The following ITGA8 variants were observed in gnomAD, a reference collection of about 807,000 sequenced individuals.
ITGA8 encodes the protein integrin subunit alpha 8.
A neutral mutation model predicts 142.3 loss-of-function variants in ITGA8; 91 were observed. That is an observed-to-expected ratio of 0.64 (90% CI 0.54 to 0.76). The LOEUF is 0.76. ITGA8 is among the 30% of genes least tolerant of loss of function. The pLI, the probability that ITGA8 is intolerant of heterozygous loss-of-function variation, is 0.00. For missense variants in ITGA8, 1,406 were observed against 1,327.7 expected (o/e 1.06, Z -0.92); for synonymous variants, 505 against 485.2 (o/e 1.04, Z -0.54).
intron 2 of ITGA8, among the ~76,000 whole-genome samples, chr10:15,709,404 C>T (rs370137231): frequency 5.3e-5 from 8 of 152,118 alleles, no homozygotes; most frequent in East Asian, 1.9e-4. Flanking sequence ...AGTAGAATGG[C>T]GCACCCCAGA....
intron 2 of ITGA8, among the ~76,000 whole-genome samples, chr10:15,713,452 G>A (rs762495248): frequency 5.3e-5 from 8 of 152,100 alleles, no homozygotes; most frequent in Non-Finnish European, 7.4e-5. Flanking sequence ...CCAAGTGAAC[G>A]TATTAGAGCA....
intron 3 of ITGA8, 85 bp from the exon 4 acceptor site, chr10:15,684,212 C>T (rs1834795188): frequency 7.8e-6 from 11 of 1,405,030 alleles, no homozygotes; most frequent in Admixed American, 2.3e-5. Flanking sequence ...GTATAACAAA[C>T]TGTTAAATTA....
At position 15,601,639 on chromosome 10, in the gene ITGA8, C is replaced by CT. The variant is rs1304534920; in HGVS notation, c.2118+2568dup. Among the ~76,000 whole-genome samples, 8 of 152,070 alleles carry CT rather than the reference C, an allele frequency of 5.3e-5. No homozygotes were observed. In the East Asian group the frequency reaches 1.4e-3, roughly 26 times the overall value. On this transcript the variant is annotated intron_variant, in intron 20 of 29. Transcript: ENST00000378076. Reference sequence around the variant, plus strand: ...GATGATAAATATAAAACATATACACCTTTTTTCACAGAAAAATTAAGGAGA... The same window carrying CT: ...GATGATAAATATAAAACATATACACCTTTTTTTCACAGAAAAATTAAGGAGA...
At chr10:15,664,354 A>G (rs184902700) in intron 8 of ITGA8, among the ~76,000 whole-genome samples, 67 of 152,322 alleles carry the variant, frequency 4.4e-4, no homozygotes, top group African/African-American at 1.4e-3. Flanking sequence ...TTGTACCTAA[A>G]AGAAAAATGT....
intron 27 of ITGA8, among the ~76,000 whole-genome samples, chr10:15,534,933 G>T (rs576106263): frequency 6.6e-6 from 1 of 152,312 alleles, no homozygotes; most frequent in East Asian, 1.9e-4. Context: ...GGCCGAGGCC[G>T]GAGCCGGCTC....
intron 13 of ITGA8, among the ~76,000 whole-genome samples, chr10:15,635,918 T>TACACACACAC (rs4030579): frequency 0.04 from 5,663 of 143,030 alleles, 208 homozygotes; most frequent in East Asian, 0.14. Flanking sequence ...TTGCTTATAC[T>TACACACACAC]ACACACACAC....
chr10:15,522,487 A>G (rs183266371), intron 28 of ITGA8, among the ~76,000 whole-genome samples: 14 of 152,344 alleles, frequency 9.2e-5, no homozygotes, highest in East Asian at 3.9e-4. Flanking sequence ...AGGGGACAGT[A>G]GTGATCATCT....
At chr10:15,701,520 G>C (rs1835164039) in intron 2 of ITGA8, among the ~76,000 whole-genome samples, 1 of 151,980 alleles carries the variant, frequency 6.6e-6, no homozygotes, top group African/African-American at 2.4e-5. Context: ...ATGCATTTCA[G>C]AGCAGGAGTG....
chr10:15,527,357 A>G (rs1833194910), intron 28 of ITGA8, among the ~76,000 whole-genome samples: 1 of 152,230 alleles, frequency 6.6e-6, no homozygotes, highest in Admixed American at 6.5e-5. Flanking sequence ...TTCATGAAAT[A>G]TTTTGTAATA....
intron 11 of ITGA8, among the ~76,000 whole-genome samples, chr10:15,651,765 T>C (rs1296261310): frequency 6.6e-6 from 1 of 152,170 alleles, no homozygotes; most frequent in Non-Finnish European, 1.5e-5. Flanking sequence ...CCAAGTGATT[T>C]TTTAAACCCT....
chr10:15,710,499 G>A (rs1335235789), intron 2 of ITGA8, among the ~76,000 whole-genome samples: 2 of 152,224 alleles, frequency 1.3e-5, no homozygotes, highest in African/African-American at 2.4e-5. Flanking sequence ...ACTATAGGAG[G>A]AGAGAAGCCT....
intron 25 of ITGA8, among the ~76,000 whole-genome samples, chr10:15,562,948 G>A (rs780612650): frequency 3.7e-4 from 57 of 152,210 alleles, no homozygotes; most frequent in Non-Finnish European, 6.3e-4. Context: ...GGGTCACGGG[G>A]GTGGATCCCT....
intron 12 of ITGA8, among the ~76,000 whole-genome samples, chr10:15,645,547 T>A (rs1374943746): frequency 6.6e-6 from 1 of 152,204 alleles, no homozygotes; most frequent in African/African-American, 2.4e-5. Context: ...GCTTTTTACA[T>A]GTACTTTGTT....
At chr10:15,530,319 G>C (rs944145512) in intron 28 of ITGA8, among the ~76,000 whole-genome samples, 2 of 151,946 alleles carry the variant, frequency 1.3e-5, no homozygotes, top group Admixed American at 6.6e-5. Context: ...AGGCTGAGGC[G>C]GGCGGATCAC....
chr10:15,634,888 G>A (rs921595823), intron 13 of ITGA8, among the ~76,000 whole-genome samples: 2 of 151,988 alleles, frequency 1.3e-5, no homozygotes, highest in South Asian at 2.1e-4. Flanking sequence ...GGGAGCTGGG[G>A]GAAGAGTTTA....
intron 13 of ITGA8, among the ~76,000 whole-genome samples, chr10:15,643,822 T>C (rs556404313): frequency 7.9e-5 from 12 of 152,328 alleles, no homozygotes; most frequent in African/African-American, 2.9e-4. Flanking sequence ...TCTATCATTG[T>C]CTCTTGACAG....
At chr10:15,600,359 A>C (rs1176987354) in intron 20 of ITGA8, among the ~76,000 whole-genome samples, 1 of 152,244 alleles carries the variant, frequency 6.6e-6, no homozygotes, top group East Asian at 1.9e-4. Context: ...AACTATTATT[A>C]AGCCTCAATT....
intron 15 of ITGA8, among the ~76,000 whole-genome samples, chr10:15,610,950 C>A (rs998217708): frequency 2.0e-5 from 3 of 152,078 alleles, no homozygotes; most frequent in Admixed American, 6.6e-5. Flanking sequence ...ATTGAGCTGG[C>A]TTTTTTCCCC....
chr10:15,644,294 A>C, intron 12 of ITGA8, 73 bp from the exon 13 acceptor site: 1 of 1,386,406 alleles, frequency 7.2e-7, no homozygotes, highest in Non-Finnish European at 9.8e-7. Context: ...TAGAGACAGG[A>C]CCTTACTCTG....
Sources: gnomAD v4.1 joint callset for allele counts (sites outside exome capture counted in the v4.1 genomes callset) on GRCh38, gnomAD v4.1.1 for gene constraint, MANE v1.5 for transcripts, NCBI Gene and HGNC (gene_info 2026-07-23, HGNC 2026-07-21) for gene names.